The following ZFHX4 variants were observed in gnomAD, a reference collection of about 807,000 sequenced individuals.
ZFHX4 encodes zinc finger homeobox protein 4.
Under a neutral mutation model 267.6 loss-of-function variants are expected in ZFHX4, and 56 were observed. The observed-to-expected ratio is 0.21, with a 90% CI of 0.17 to 0.26. The LOEUF (loss-of-function observed/expected upper bound fraction) is 0.26, where lower values mean the gene tolerates loss of function less well. ZFHX4 is among the 10% of genes least tolerant of loss of function. The pLI, the probability that ZFHX4 is intolerant of heterozygous loss-of-function variation, is 1.00. For synonymous variants in ZFHX4, 1,778 were observed against 1,665.6 expected (o/e 1.07, Z -1.64); for missense variants, 4,332 against 4,420.0 (o/e 0.98, Z 0.56).
chr8:76,853,144 C>T lies in ZFHX4; in HGVS notation c.6223C>T (p.Leu2075=). 6.5e-7 allele frequency: 1 copy of T among 1,549,476 alleles called. No individual in the cohort carries two copies. The highest frequency in any genetic ancestry group is 8.7e-7 in the Non-Finnish European group (1 of 1,146,354). ...GGTCCAACTGCCGGTTTCTCTGGAC[C>T]TGCCGCTCTTTCCTTCCATTATGAT... ...PQVQLPVSLD[L]PLFPSIMMQP... The change falls in exon 10 of 11, where the codon CTG becomes TTG. Residue 2075 remains leucine (L), a synonymous_variant. Transcript: ENST00000651372.
At chr8:76,703,840 G>A (rs1808167670) in intron 1 of ZFHX4, among the ~76,000 whole-genome samples, 1 of 152,124 alleles carries the variant, frequency 6.6e-6, no homozygotes, top group African/African-American at 2.4e-5. Context: ...TGGATGTCTA[G>A]GCATGCCTGT....
intron 5 of ZFHX4, among the ~76,000 whole-genome samples, chr8:76,834,759 C>T (rs1250385891): frequency 6.6e-6 from 1 of 151,978 alleles, no homozygotes; most frequent in South Asian, 2.1e-4. Context: ...TGAAATCCAA[C>T]TTATCAATTC....
chr8:76,818,370 C>T (rs1420793024), intron 4 of ZFHX4, among the ~76,000 whole-genome samples: 12 of 151,890 alleles, frequency 7.9e-5, no homozygotes, highest in Admixed American at 6.6e-4. Context: ...TATTAATGAC[C>T]ATTTAGGAGA....
At chr8:76,831,967 C>A (rs1052732601) in intron 4 of ZFHX4, among the ~76,000 whole-genome samples, 2 of 143,498 alleles carry the variant, frequency 1.4e-5, no homozygotes, top group Admixed American at 7.2e-5. Context: ...TAAATTTTTT[C>A]TTTCATGATG....
At chr8:76,799,115 A>G (rs1811055738) in intron 4 of ZFHX4, among the ~76,000 whole-genome samples, 1 of 152,216 alleles carries the variant, frequency 6.6e-6, no homozygotes, top group Non-Finnish European at 1.5e-5. Context: ...TCAAAAACTA[A>G]TTAAGTTTTG....
At chr8:76,835,243 A>ATATATATATATATGTATATATATATATG in intron 5 of ZFHX4, among the ~76,000 whole-genome samples, 1 of 102,718 alleles carries the variant, frequency 9.7e-6, no homozygotes, top group East Asian at 3.1e-4. Context: ...ATATATATGT[A>ATATATATATATATGTATATATATATATG]TATATATATA....
intron 5 of ZFHX4, 116 bp from the exon 6 acceptor site, chr8:76,842,539 T>G: frequency 1.5e-6 from 1 of 672,036 alleles, no homozygotes; most frequent in South Asian, 2.0e-5. Context: ...CATTTGAGTA[T>G]GAATATCTGC....
intron 3 of ZFHX4, among the ~76,000 whole-genome samples, chr8:76,769,743 T>C (rs1003687964): frequency 2.0e-5 from 3 of 152,214 alleles, no homozygotes; most frequent in African/African-American, 7.2e-5. Flanking sequence ...TTGCAAATTA[T>C]GATGTGTATC....
At chr8:76,801,823 A>G (rs1811124472) in intron 4 of ZFHX4, among the ~76,000 whole-genome samples, 1 of 152,158 alleles carries the variant, frequency 6.6e-6, no homozygotes, top group South Asian at 2.1e-4. Flanking sequence ...AAATGAATTT[A>G]TGAGTCAAAA....
intron 1 of ZFHX4, among the ~76,000 whole-genome samples, chr8:76,684,680 C>T (rs1297304065): frequency 1.3e-5 from 2 of 152,262 alleles, no homozygotes; most frequent in Admixed American, 6.5e-5. Flanking sequence ...GGATAGTGGA[C>T]TCTGGTTCTA....
At chr8:76,858,337 G>A (rs1812784178) in intron 10 of ZFHX4, among the ~76,000 whole-genome samples, 1 of 152,174 alleles carries the variant, frequency 6.6e-6, no homozygotes, top group Non-Finnish European at 1.5e-5. Flanking sequence ...GATGTTGGAG[G>A]CAGTCACACC....
chr8:76,734,687 CATAAA>C (rs1585893401), intron 3 of ZFHX4, among the ~76,000 whole-genome samples: 1 of 152,038 alleles, frequency 6.6e-6, no homozygotes, highest in African/African-American at 2.4e-5. Context: ...TTTACATCTA[CATAAA>C]ATAAAGATTT....
chr8:76,812,021 T>G (rs543260935), intron 4 of ZFHX4, among the ~76,000 whole-genome samples: 1 of 152,254 alleles, frequency 6.6e-6, no homozygotes, highest in Non-Finnish European at 1.5e-5. Flanking sequence ...CTATCTAAAT[T>G]GCTTTAAAAT....
intron 8 of ZFHX4, 137 bp downstream of exon 8, chr8:76,849,849 GT>G: frequency 1.0e-6 from 1 of 978,008 alleles, no homozygotes; most frequent in East Asian, 2.6e-5. Context: ...TGTTATAGTA[GT>G]CACACTCAAG....
intron 3 of ZFHX4, among the ~76,000 whole-genome samples, chr8:76,742,275 A>G (rs752623123): frequency 1.3e-5 from 2 of 152,156 alleles, no homozygotes; most frequent in Non-Finnish European, 2.9e-5. Flanking sequence ...GGTTGGACCA[A>G]ATATACTGCA....
chr8:76,701,801 A>T (rs1377103007), intron 1 of ZFHX4, among the ~76,000 whole-genome samples: 3 of 151,910 alleles, frequency 2.0e-5, no homozygotes, highest in Non-Finnish European at 4.4e-5. Context: ...ATTAAAGTGA[A>T]TTTTTTTTAC....
At chr8:76,728,823 A>G (rs977775478) in intron 3 of ZFHX4, among the ~76,000 whole-genome samples, 2 of 152,184 alleles carry the variant, frequency 1.3e-5, no homozygotes, top group Admixed American at 6.6e-5. Flanking sequence ...CTCTTTAAAT[A>G]TTCATATTCA....
chr8:76,860,802 A>G (rs1215662993), intron 10 of ZFHX4, among the ~76,000 whole-genome samples: 1 of 152,180 alleles, frequency 6.6e-6, no homozygotes, highest in African/African-American at 2.4e-5. Context: ...TGGTGAAATC[A>G]GAATATCATA....
chr8:76,793,966 C>T (rs2131811393), intron 4 of ZFHX4, among the ~76,000 whole-genome samples: 1 of 152,310 alleles, frequency 6.6e-6, no homozygotes, highest in African/African-American at 2.4e-5. Flanking sequence ...AATTGATCTT[C>T]TTCTATAGGA....
Sources: allele counts gnomAD v4.1 joint callset (sites outside exome capture counted in the v4.1 genomes callset), GRCh38; gene constraint gnomAD v4.1.1; transcripts MANE v1.5; gene names NCBI Gene and HGNC (gene_info 2026-07-23, HGNC 2026-07-21).